The following CDH13 variants were observed in gnomAD, a reference collection of about 807,000 sequenced individuals.
CDH13 encodes cadherin 13, also known as cadherin-13.
Under a neutral mutation model 63.8 loss-of-function variants are expected in CDH13, and 24 were observed. The ratio of observed to expected loss-of-function variants is 0.38; its 90% CI spans 0.27 to 0.53. CDH13 has a LOEUF of 0.53. CDH13 is among the 20% of genes least tolerant of loss of function. The probability of loss-of-function intolerance (pLI) is 0.85; values close to 1 mark genes in which losing one functional copy is unlikely to be tolerated. For missense variants in CDH13, 1,049 were observed against 903.1 expected, an observed-to-expected ratio of 1.16 and a Z score of -2.07; for synonymous variants, 503 against 355.3, an observed-to-expected ratio of 1.42 and a Z score of -4.67.
chr16:83,425,863 A>G (rs921164974), intron 6 of CDH13, among the ~76,000 whole-genome samples: 1 of 150,956 alleles, frequency 6.6e-6, no homozygotes, highest in African/African-American at 2.4e-5. Flanking sequence ...TTTATAAGGG[A>G]CTTAATATGT....
chr16:82,982,915 T>G (rs1413293942), intron 2 of CDH13, among the ~76,000 whole-genome samples: 1 of 152,060 alleles, frequency 6.6e-6, no homozygotes, highest in Non-Finnish European at 1.5e-5. Context: ...TGAACCGGAG[T>G]GAAAGGGATA....
At position 83,368,271 on chromosome 16, in the gene CDH13, A is replaced by T. The variant is rs545808037; in HGVS notation, c.781+23265A>T. ...TATACACTCATAATTATACAAGTACATGTGCACAAGTCAAATATTAAACAG... is the reference window on the plus strand; with the variant it reads ...TATACACTCATAATTATACAAGTACTTGTGCACAAGTCAAATATTAAACAG... On this transcript the variant is annotated intron_variant, in intron 6 of 13. Transcript: ENST00000567109. Among the ~76,000 whole-genome samples the T allele has an allele frequency of 3.9e-5, 6 of 152,224 alleles. No individual in the cohort carries two copies. In the South Asian group the frequency reaches 1.0e-3, roughly 26 times the overall value.
chr16:83,074,848 A>G (rs944002733), intron 3 of CDH13, among the ~76,000 whole-genome samples: 2 of 152,196 alleles, frequency 1.3e-5, no homozygotes, highest in African/African-American at 4.8e-5. Flanking sequence ...GATTCCAGAC[A>G]TCACGTGGAC....
rs550444568 is a variant in CDH13 at position 82,897,585 on chromosome 16, G to C, written c.157+39112G>C. 5.9e-5 allele frequency among the ~76,000 whole-genome samples: 9 copies of C among 152,292 alleles called. No individual in the cohort carries two copies. In the East Asian group the frequency reaches 1.4e-3, roughly 23 times the overall value. On this transcript the variant is annotated intron_variant, in intron 2 of 13. Transcript: ENST00000567109. ...ATGAGGAAAATAAGCCTCCAGATAG[G>C]TTATGCAACTTACTCAACCAAGCTC...
At chr16:83,010,153 A>AAAAAAAC (rs1555561340) in intron 2 of CDH13, among the ~76,000 whole-genome samples, 2 of 148,298 alleles carry the variant, frequency 1.3e-5, no homozygotes, top group Non-Finnish European at 1.5e-5. Context: ...AAAAAAAAAA[A>AAAAAAAC]AAAAAAAAAC....
At chr16:83,620,539 C>T (rs555227020) in intron 8 of CDH13, among the ~76,000 whole-genome samples, 1 of 152,278 alleles carries the variant, frequency 6.6e-6, no homozygotes, top group South Asian at 2.1e-4. Context: ...ACACCTATGT[C>T]CTTCACCCAA....
At chr16:82,806,895 A>C (rs62036829) in intron 1 of CDH13, among the ~76,000 whole-genome samples, 6,261 of 152,258 alleles carry the variant, frequency 0.041, 187 homozygotes, top group Admixed American at 0.065. Context: ...GCAAAGAATA[A>C]TATGCTCTAG....
At chr16:83,586,656 C>G (rs574187698) in intron 7 of CDH13, among the ~76,000 whole-genome samples, 1 of 152,262 alleles carries the variant, frequency 6.6e-6, no homozygotes, top group Middle Eastern at 3.4e-3. Flanking sequence ...GAGCCCAGAT[C>G]AGAAAAGGGC....
chr16:82,947,521 T>C (rs1286599213), intron 2 of CDH13, among the ~76,000 whole-genome samples: 2 of 152,180 alleles, frequency 1.3e-5, no homozygotes, highest in Non-Finnish European at 2.9e-5. Context: ...GCTTATTGTA[T>C]GTAATTTTGA....
intron 5 of CDH13, among the ~76,000 whole-genome samples, chr16:83,257,047 A>C (rs1407446563): frequency 6.6e-6 from 1 of 152,012 alleles, no homozygotes; most frequent in African/African-American, 2.4e-5. Context: ...ACACTGAACC[A>C]GTAATGATAA....
chr16:83,132,339 C>T (rs2036088623), intron 4 of CDH13, among the ~76,000 whole-genome samples: 1 of 151,994 alleles, frequency 6.6e-6, no homozygotes, highest in African/African-American at 2.4e-5. Context: ...ATCCCTCTAC[C>T]TCTTTTAAAA....
chr16:83,417,044 C>T (rs559753990), intron 6 of CDH13, among the ~76,000 whole-genome samples: 14 of 152,258 alleles, frequency 9.2e-5, no homozygotes, highest in South Asian at 6.2e-4. Flanking sequence ...AAGTGCTTTA[C>T]AGGGATTATT....
intron 4 of CDH13, among the ~76,000 whole-genome samples, chr16:83,190,030 G>A (rs545127948): frequency 1.3e-5 from 2 of 152,268 alleles, no homozygotes; most frequent in East Asian, 3.9e-4. Context: ...CCACCATGTG[G>A]AACTGTGAGT....
intron 6 of CDH13, among the ~76,000 whole-genome samples, chr16:83,482,545 C>T (rs770434454): frequency 9.9e-5 from 15 of 152,164 alleles, no homozygotes; most frequent in African/African-American, 1.4e-4. Context: ...TTCCTCGGAA[C>T]CAATTTAGAG....
At chr16:83,089,960 G>T (rs1392675554) in intron 3 of CDH13, among the ~76,000 whole-genome samples, 2 of 152,250 alleles carry the variant, frequency 1.3e-5, no homozygotes, top group South Asian at 2.1e-4. Flanking sequence ...AGCAAGAAAT[G>T]AGAACAGTCC....
chr16:83,201,626 G>T (rs577724597), intron 4 of CDH13, among the ~76,000 whole-genome samples: 11 of 152,120 alleles, frequency 7.2e-5, no homozygotes, highest in African/African-American at 2.2e-4. Context: ...GGCTGGGCAC[G>T]GTGGCTCACG....
intron 10 of CDH13, among the ~76,000 whole-genome samples, chr16:83,747,237 T>G (rs1168734564): frequency 6.6e-6 from 1 of 152,152 alleles, no homozygotes; most frequent in Non-Finnish European, 1.5e-5. Flanking sequence ...CTCACCCAAG[T>G]CTCATCTTGA....
chr16:83,181,261 G>A (rs988024337), intron 4 of CDH13, among the ~76,000 whole-genome samples: 2 of 152,178 alleles, frequency 1.3e-5, no homozygotes, highest in Non-Finnish European at 2.9e-5. Context: ...TAATTGCAAC[G>A]TGTCCCAACT....
chr16:83,591,431 C>A (rs559583221), intron 7 of CDH13, among the ~76,000 whole-genome samples: 8 of 152,338 alleles, frequency 5.3e-5, no homozygotes, highest in Admixed American at 3.9e-4. Context: ...TGCTCCTAAC[C>A]AGCCATGTGC....
Sources: gnomAD v4.1 joint callset for allele counts (sites outside exome capture counted in the v4.1 genomes callset) on GRCh38, gnomAD v4.1.1 for gene constraint, MANE v1.5 for transcripts, NCBI Gene and HGNC (gene_info 2026-07-23, HGNC 2026-07-21) for gene names.